The following CHST8 variants were observed in gnomAD, a reference collection of about 807,000 sequenced individuals.
The protein encoded by CHST8 is GALNAC-4-ST1.
A neutral mutation model predicts 15.0 loss-of-function variants in CHST8; 10 were observed. That is an observed-to-expected ratio of 0.67 (90% CI 0.41 to 1.13). The LOEUF (loss-of-function observed/expected upper bound fraction) is 1.13, where lower values mean the gene tolerates loss of function less well. CHST8 is among the 50% of genes most tolerant of loss of function. CHST8 has a pLI of 0.00. For missense variants in CHST8, 634 were observed against 608.2 expected (o/e 1.04, Z -0.45); for synonymous variants, 259 against 256.6 (o/e 1.01, Z -0.09).
intron 3 of CHST8, among the ~76,000 whole-genome samples, chr19:33,764,402 A>C (rs369640020): frequency 1.3e-5 from 2 of 152,186 alleles, no homozygotes; most frequent in East Asian, 1.9e-4. Context: ...TGCGAGGCCA[A>C]AGCGGGAGGA....
At position 33,772,192 on chromosome 19, in the gene CHST8, T is replaced by A; in HGVS notation, c.404T>A (p.Ile135Asn). 1 of 1,595,496 alleles carries A rather than the reference T, an allele frequency of 6.3e-7. No individual in the cohort carries two copies. Among genetic ancestry groups the A allele is most frequent in the Non-Finnish European group, 8.5e-7 (1 of 1,173,820 alleles). The change falls in exon 5 of 5, where the codon ATC (isoleucine) becomes AAC (asparagine). Residue 135 changes from isoleucine (I) to asparagine (N), a missense_variant. By Grantham distance (149) the Ile-to-Asn change is moderately radical (BLOSUM62 -3). Coordinates refer to ENST00000650847, the MANE Select transcript of CHST8 (RefSeq NM_001127895.2). ...IPANSSDAPF[I>N]RPGPGTLDGR... The stretch of plus-strand genomic sequence containing the variant: ...GCCAACAGCTCGGACGCGCCCTTCA[T>A]CCGGCCGGGACCCGGGACGCTGGAT...
At chr19:33,623,225 T>TGGGC (rs1030375366) in intron 1 of CHST8, among the ~76,000 whole-genome samples, 1 of 152,204 alleles carries the variant, frequency 6.6e-6, no homozygotes, top group Non-Finnish European at 1.5e-5. Flanking sequence ...CCCTCGGCTG[T>TGGGC]GGGCGCTGCT....
At position 33,689,234 on chromosome 19, in the gene CHST8, C is replaced by T; in HGVS notation, c.-28C>T. 1 of 1,541,480 alleles carries T rather than the reference C, an allele frequency of 6.5e-7. No homozygotes were observed. Among genetic ancestry groups the T allele is most frequent in the Non-Finnish European group, 8.7e-7 (1 of 1,145,726 alleles). On this transcript the variant is annotated 5_prime_UTR_variant, in exon 3 of 5. An upstream open reading frame in the 5' UTR gains an earlier in-frame stop. Coordinates refer to ENST00000650847, the MANE Select transcript of CHST8 (RefSeq NM_001127895.2). ...GAGGGAAGAACGTGCCCCCCACACC[C>T]AAGAGGTGACCCCTGAGCCAGCCCC...
At chr19:33,755,326 T>C (rs1260811716) in intron 3 of CHST8, among the ~76,000 whole-genome samples, 2 of 152,194 alleles carry the variant, frequency 1.3e-5, no homozygotes, top group Non-Finnish European at 2.9e-5. Context: ...GAAAACATGC[T>C]AGCAGCCGTC....
At chr19:33,717,467 GA>G (rs1228578976) in intron 3 of CHST8, among the ~76,000 whole-genome samples, 3 of 151,000 alleles carry the variant, frequency 2.0e-5, no homozygotes, top group East Asian at 1.9e-4. Context: ...TCTCAAAAAA[GA>G]AAAAAAAAGT....
intron 3 of CHST8, among the ~76,000 whole-genome samples, chr19:33,734,348 A>G (rs1481531266): frequency 1.3e-5 from 2 of 152,242 alleles, no homozygotes; most frequent in African/African-American, 2.4e-5. Flanking sequence ...AAAATGGGCA[A>G]TGAAGAATGG....
chr19:33,662,798 G>T (rs760914205), intron 1 of CHST8, among the ~76,000 whole-genome samples: 1 of 152,230 alleles, frequency 6.6e-6, no homozygotes, highest in Non-Finnish European at 1.5e-5. Context: ...ACTGCTCCCA[G>T]TGGGTGCCAA....
At chr19:33,745,128 C>T (rs1485175199) in intron 3 of CHST8, among the ~76,000 whole-genome samples, 1 of 152,166 alleles carries the variant, frequency 6.6e-6, no homozygotes, top group Non-Finnish European at 1.5e-5. Context: ...AAAGACCTTC[C>T]TGCCCTGGAC....
In CHST8 at chr19:33,743,796, C is replaced by CT. The variant is rs35370834; in HGVS notation, c.131-27604dup. On this transcript the variant is annotated intron_variant, in intron 3 of 4. Transcript: ENST00000650847. ...TTGTGTTCTGCTTTTTTCTTTTTTT[C>CT]TTTTTTTTTTTTTGAGATGGAGTCT... 7.7e-3 allele frequency among the ~76,000 whole-genome samples: 1,081 copies of CT among 140,550 alleles called. 11 individuals carry two copies. The highest frequency in any genetic ancestry group is 0.026 in the African/African-American group (964 of 37,464). The allele number at this position is 140,550 out of a possible 152,430, so 92.2% of individuals were successfully genotyped here.
At chr19:33,717,978 C>T (rs568366891) in intron 3 of CHST8, among the ~76,000 whole-genome samples, 8 of 152,266 alleles carry the variant, frequency 5.3e-5, no homozygotes, top group East Asian at 1.9e-4. Context: ...CTATACCAAA[C>T]GGACTTGCAG....
At chr19:33,653,395 C>T (rs952882277) in intron 1 of CHST8, among the ~76,000 whole-genome samples, 1 of 152,048 alleles carries the variant, frequency 6.6e-6, no homozygotes, top group African/African-American at 2.4e-5. Flanking sequence ...ATTTTTGTGA[C>T]TTTTCTCTGT....
chr19:33,664,359 C>T (rs12979611), intron 1 of CHST8, among the ~76,000 whole-genome samples: 42,578 of 150,248 alleles, frequency 0.28, 6,654 homozygotes, highest in African/African-American at 0.4. Context: ...TATGTATACA[C>T]GTGCCATGCT....
intron 3 of CHST8, among the ~76,000 whole-genome samples, chr19:33,720,030 C>T (rs1973753076): frequency 6.6e-6 from 1 of 152,042 alleles, no homozygotes; most frequent in Non-Finnish European, 1.5e-5. Flanking sequence ...CTCTCCTAGG[C>T]AGCACTGTGG....
chr19:33,750,588 C>T (rs551096678), intron 3 of CHST8, among the ~76,000 whole-genome samples: 184 of 152,308 alleles, frequency 1.2e-3, no homozygotes, highest in Non-Finnish European at 1.4e-3. Flanking sequence ...GTCCACCAGC[C>T]GCTCAGTTTC....
At chr19:33,695,663 G>T (rs140814788) in intron 3 of CHST8, among the ~76,000 whole-genome samples, 1 of 151,786 alleles carries the variant, frequency 6.6e-6, no homozygotes, top group Non-Finnish European at 1.5e-5. Context: ...GAGAACATGC[G>T]GTATTTGGTT....
intron 3 of CHST8, among the ~76,000 whole-genome samples, chr19:33,734,134 G>T (rs571650465): frequency 6.6e-6 from 1 of 152,294 alleles, no homozygotes; most frequent in South Asian, 2.1e-4. Flanking sequence ...GATAAAACAG[G>T]TTGCAGTAAG....
chr19:33,689,272 G>A lies in CHST8; in HGVS notation c.11G>A (p.Arg4Gln), dbSNP rs774565020. Residue 4 changes from arginine to glutamine, a missense_variant, in exon 3 of 5, where the codon CGA becomes CAA. By Grantham distance (43) the Arg-to-Gln change is conservative. Transcript: ENST00000650847. MTL[R>Q]PGTMRLACMF... ...CTGAGCCAGCCCCGGATGACCCTGC[G>A]ACCTGGAACAATGCGGCTGGCCTGC... The A allele has an allele frequency of 1.3e-5, 20 of 1,594,606 alleles. No homozygotes were observed. In the East Asian group the frequency reaches 1.4e-4, roughly 11 times the overall value.
At chr19:33,689,098 A>G (rs1973044322) in intron 2 of CHST8, 78 bp from the exon 3 acceptor site, 2 of 686,028 alleles carry the variant, frequency 2.9e-6, no homozygotes, top group Middle Eastern at 4.4e-4. Flanking sequence ...TTGCACTTGG[A>G]TTGCTGCAGT....
intron 3 of CHST8, among the ~76,000 whole-genome samples, chr19:33,698,207 G>A (rs538619121): frequency 5.9e-5 from 9 of 152,220 alleles, no homozygotes; most frequent in African/African-American, 2.2e-4. Context: ...AACTCAGAAG[G>A]CAGAGGTTGT....
Sources: allele counts gnomAD v4.1 joint callset (sites outside exome capture counted in the v4.1 genomes callset), GRCh38; gene constraint gnomAD v4.1.1; transcripts MANE v1.5; gene names NCBI Gene and HGNC (gene_info 2026-07-23, HGNC 2026-07-21).